The following MS4A1 variants were observed in gnomAD, a reference collection of about 807,000 sequenced individuals.
MS4A1 encodes the protein B-lymphocyte antigen CD20.
Under a neutral mutation model 26.5 loss-of-function variants are expected in MS4A1, and 16 were observed. The ratio of observed to expected loss-of-function variants is 0.60; its 90% CI spans 0.41 to 0.92. MS4A1 has a LOEUF of 0.92. Among genes scored for constraint, MS4A1 ranks in the 40% least tolerant of loss-of-function variants. The pLI is 0.00. For synonymous variants in MS4A1, 128 were observed against 117.6 expected (o/e 1.09, Z -0.57); for missense variants, 350 against 353.0 (o/e 0.99, Z 0.07).
At chr11:60,465,307 A>C (rs2086282050) in intron 5 of MS4A1, among the ~76,000 whole-genome samples, 1 of 152,258 alleles carries the variant, frequency 6.6e-6, no homozygotes, top group Admixed American at 6.5e-5. Context: ...TACCTATGCT[A>C]CCCAAAGACA....
At chr11:60,458,698 G>A (rs1308992591) in intron 1 of MS4A1, among the ~76,000 whole-genome samples, 2 of 152,068 alleles carry the variant, frequency 1.3e-5, no homozygotes, top group East Asian at 3.8e-4. Context: ...TCCAATCTCC[G>A]TAGGCGAGTT....
Position 60,465,936 on chromosome 11 carries a change from A to C in MS4A1, c.352A>C (p.Ile118Leu), listed in dbSNP as rs201245387. The C allele has an allele frequency of 6.0e-4, 965 of 1,613,260 alleles. No individual in the cohort carries two copies. Among genetic ancestry groups the C allele is most frequent in the Non-Finnish European group, 7.4e-4 (868 of 1,179,366 alleles). Residue 118 changes from isoleucine (I) to leucine (L), a missense_variant, in exon 6 of 8, where the codon ATA becomes CTA. Physicochemically the swap from Ile to Leu is conservative, Grantham distance 5 (BLOSUM62 2). Coordinates refer to ENST00000345732, the MANE Select transcript of MS4A1 (RefSeq NM_152866.3). ...SRKCLVKGKM[I>L]MNSLSLFAAI... is the part of the protein sequence containing the mutation. ...TCCATTTCAGGTCAAAGGAAAAATGATAATGAATTCATTGAGCCTCTTTGC... is the reference window on the plus strand; with the variant it reads ...TCCATTTCAGGTCAAAGGAAAAATGCTAATGAATTCATTGAGCCTCTTTGC...
rs1448681567 is a variant in MS4A1 at position 60,470,482 on chromosome 11, A to G, written c.*2014A>G. ...ATTTTGAGTCATTTGTATGACCTCA[A>G]ATAATTAGTTTTAGCTGACCTCACA... is the stretch of plus-strand genomic sequence containing the variant. On this transcript the variant is annotated 3_prime_UTR_variant, in exon 8 of 8. Transcript: ENST00000345732. The G allele has an allele frequency of 6.6e-6, 1 of 151,986 alleles. No individual in the cohort carries two copies. Among genetic ancestry groups the G allele is most frequent in the African/African-American group, 2.4e-5 (1 of 41,414 alleles). 9.4% of individuals were successfully genotyped at this position (151,986 alleles called of 1,614,324 possible).
At chr11:60,463,214 G>T in intron 4 of MS4A1, 93 bp downstream of exon 4, 1 of 1,527,576 alleles carries the variant, frequency 6.5e-7, no homozygotes, top group African/African-American at 1.4e-5. Flanking sequence ...CTGTGTTGAG[G>T]GAAATATATG....
chr11:60,468,710 A>G lies in MS4A1; in HGVS notation c.*242A>G, dbSNP rs1032188859. 2.2e-5 allele frequency: 12 copies of G among 534,560 alleles called. No homozygotes were observed. Among genetic ancestry groups the G allele is most frequent in the Non-Finnish European group, 3.0e-5 (9 of 299,666 alleles). 33.1% of individuals were successfully genotyped at this position (534,560 alleles called of 1,614,324 possible). ...ACTTTCTTACACTGAAGAAAGGCAG[A>G]ATGAGTGCTTCAGAATGTGATTTCC... On this transcript the variant is annotated 3_prime_UTR_variant, in exon 8 of 8. Coordinates refer to ENST00000345732, the MANE Select transcript of MS4A1 (RefSeq NM_152866.3).
At chr11:60,466,882 C>A in intron 6 of MS4A1, 77 bp from the exon 7 acceptor site, 1 of 1,384,870 alleles carries the variant, frequency 7.2e-7, no homozygotes, top group Non-Finnish European at 1.0e-6. Flanking sequence ...TTATAGTCAA[C>A]AATAACTTAC....
In MS4A1 at chr11:60,468,493, C is replaced by G. The variant is rs756275023; in HGVS notation, c.*25C>G. On this transcript the variant is annotated 3_prime_UTR_variant, in exon 8 of 8. Transcript: ENST00000345732. Reference sequence around the variant, plus strand: ...AGTGATTTCTTCTGTTTTCTGTTTCCTTTTTTAAACATTAGTGTTCATAGC... The same window carrying G: ...AGTGATTTCTTCTGTTTTCTGTTTCGTTTTTTAAACATTAGTGTTCATAGC... 1 of 1,603,346 alleles carries G rather than the reference C, an allele frequency of 6.2e-7. No homozygotes were observed. Among genetic ancestry groups the G allele is most frequent in the South Asian group, 1.1e-5 (1 of 90,512 alleles).
At chr11:60,461,615 G>C (rs1472596532) in intron 2 of MS4A1, among the ~76,000 whole-genome samples, 1 of 151,734 alleles carries the variant, frequency 6.6e-6, no homozygotes, top group African/African-American at 2.4e-5. Context: ...TGCCTCCTGG[G>C]TTCAAGCAAT....
chr11:60,463,431 C>T (rs1452033660), intron 4 of MS4A1, among the ~76,000 whole-genome samples: 1 of 152,148 alleles, frequency 6.6e-6, no homozygotes, highest in African/African-American at 2.4e-5. Context: ...GACTAGATAG[C>T]AAGATGTTTT....
chr11:60,469,213 AAATTTCAAATAAT>A lies in MS4A1; in HGVS notation c.*750_*762del, dbSNP rs1386882669. The A allele has an allele frequency of 1.2e-4, 18 of 152,334 alleles. No individual in the cohort carries two copies. Among genetic ancestry groups the A allele is most frequent in the Admixed American group, 1.0e-3 (16 of 15,304 alleles). 9.4% of individuals were successfully genotyped at this position (152,334 alleles called of 1,614,324 possible). The stretch of plus-strand genomic sequence containing the variant: ...TAGAAAATGCCACCATGAGGTGCCC[AAATTTCAAATAAT>A]AATTAACATTTAGTTATATTTATAA... On this transcript the variant is annotated 3_prime_UTR_variant, in exon 8 of 8. Coordinates refer to ENST00000345732, the MANE Select transcript of MS4A1 (RefSeq NM_152866.3).
At chr11:60,464,161 G>T (rs899146300) in intron 4 of MS4A1, 127 bp from the exon 5 acceptor site, 3 of 708,236 alleles carry the variant, frequency 4.2e-6, no homozygotes, top group Non-Finnish European at 7.6e-6. Flanking sequence ...GGATGGTTGT[G>T]TGAAAGTTGC....
chr11:60,458,914 A>G (rs1381811747), intron 1 of MS4A1, among the ~76,000 whole-genome samples: 1 of 152,188 alleles, frequency 6.6e-6, no homozygotes, highest in Admixed American at 6.5e-5. Context: ...TTATACAAAT[A>G]TTTGTTTAAG....
intron 2 of MS4A1, among the ~76,000 whole-genome samples, chr11:60,461,722 G>A (rs2086249725): frequency 6.6e-6 from 1 of 151,622 alleles, no homozygotes; most frequent in South Asian, 2.1e-4. Flanking sequence ...GTTTTGCCAC[G>A]TTAGCCAGCC....
chr11:60,456,006 T>C (rs1293071796), intron 1 of MS4A1, 61 bp downstream of exon 1: 1 of 152,206 alleles, frequency 6.6e-6, no homozygotes, highest in Non-Finnish European at 1.5e-5. Flanking sequence ...AGGTATAGAA[T>C]GGTTTTGAAG....
intron 5 of MS4A1, 66 bp from the exon 6 acceptor site, chr11:60,465,855 C>T: frequency 7.8e-7 from 1 of 1,279,094 alleles, no homozygotes; most frequent in Non-Finnish European, 1.1e-6. Flanking sequence ...ATTTGGAATT[C>T]CCTCCCAGAT....
Position 60,462,528 on chromosome 11 carries a change from TTGG to T in MS4A1, c.155_157del (p.Leu52_Gly53delinsTrp). 6.2e-7 allele frequency: 1 copy of T among 1,614,144 alleles called. No individual in the cohort carries two copies. Among genetic ancestry groups the T allele is most frequent in the Non-Finnish European group, 8.5e-7 (1 of 1,180,012 alleles). On this transcript the variant is annotated inframe_deletion and splice_region_variant, in exon 3 of 8. Transcript: ENST00000345732. Reference sequence around the variant, plus strand: ...CTTCTTCATGAGGGAATCTAAGACTTTGGGGGTAAGTCAGTTGCCTTCCATCCC... The same window carrying T: ...CTTCTTCATGAGGGAATCTAAGACTTGGGTAAGTCAGTTGCCTTCCATCCC...
chr11:60,458,671 G>T (rs755415056), intron 1 of MS4A1, among the ~76,000 whole-genome samples: 11 of 152,082 alleles, frequency 7.2e-5, no homozygotes, highest in Non-Finnish European at 1.2e-4. Flanking sequence ...TAATGATAAG[G>T]CAAAATTGCG....
intron 4 of MS4A1, 150 bp downstream of exon 4, chr11:60,463,271 C>A: frequency 1.7e-6 from 2 of 1,147,504 alleles, no homozygotes; most frequent in Non-Finnish European, 1.3e-6. Context: ...ACAGGTTGAC[C>A]AAATTGAGTA....
At chr11:60,466,521 AT>A in intron 6 of MS4A1, 1 of 332,692 alleles carries the variant, frequency 3.0e-6, no homozygotes, top group East Asian at 7.1e-5. Context: ...CATAGAAGAA[AT>A]TCCTAAGATG....
Sources: gnomAD v4.1 joint callset for allele counts (sites outside exome capture counted in the v4.1 genomes callset) on GRCh38, gnomAD v4.1.1 for gene constraint, MANE v1.5 for transcripts, NCBI Gene and HGNC (gene_info 2026-07-23, HGNC 2026-07-21) for gene names.